CCDC159: variants seen among roughly 807,000 people sequenced by gnomAD.
CCDC159 encodes the protein coiled-coil domain-containing protein 159.
In CCDC159, 40 loss-of-function variants were observed where a neutral mutation model predicts 50.9. The ratio of observed to expected loss-of-function variants is 0.79; its 90% CI spans 0.61 to 1.02. The LOEUF (loss-of-function observed/expected upper bound fraction) is 1.02, where lower values mean the gene tolerates loss of function less well. CCDC159 is among the 50% of genes least tolerant of loss of function. The pLI is 0.00. For synonymous variants in CCDC159, 146 were observed against 138.9 expected (o/e 1.05, Z -0.36); for missense variants, 356 against 371.5 (o/e 0.96, Z 0.34).
intron 1 of CCDC159, chr19:11,349,105 A>G (rs1449858202): frequency 7.4e-7 from 1 of 1,349,524 alleles, no homozygotes; most frequent in East Asian, 4.6e-5. Flanking sequence ...GGCCTTCGCC[A>G]CATGAGGCTG....
intron 1 of CCDC159, among the ~76,000 whole-genome samples, chr19:11,347,619 C>T (rs1186975886): frequency 2.0e-5 from 3 of 152,202 alleles, no homozygotes; most frequent in Non-Finnish European, 2.9e-5. Flanking sequence ...TGTTAGCCAC[C>T]GTGCCCAGCC....
intron 1 of CCDC159, chr19:11,349,305 T>C: frequency 1.5e-6 from 1 of 677,702 alleles, no homozygotes; most frequent in Non-Finnish European, 2.2e-6. Context: ...ATGCACCCAC[T>C]GTGTTTCTTC....
At chr19:11,348,753 C>G (rs1241979275) in intron 1 of CCDC159, 2 of 511,010 alleles carry the variant, frequency 3.9e-6, no homozygotes, top group East Asian at 1.1e-4. Context: ...CTCACAGCGA[C>G]CCTCTTTTGG....
chr19:11,352,946 A>G (rs1032378648), intron 7 of CCDC159, among the ~76,000 whole-genome samples: 3 of 151,702 alleles, frequency 2.0e-5, no homozygotes, highest in African/African-American at 7.3e-5. Context: ...AGAAACAAAC[A>G]CCAAAAACAA....
chr19:11,349,514 C>A, intron 1 of CCDC159, 140 bp from the exon 2 acceptor site: 1 of 1,048,584 alleles, frequency 9.5e-7, no homozygotes, highest in South Asian at 1.4e-5. Context: ...GCCTGGAGTG[C>A]AGCTTTGCCT....
In CCDC159 at chr19:11,349,948, T is replaced by C; in HGVS notation, c.66T>C (p.Ile22=). Reference sequence around the variant, plus strand: ...CTTCTCTGCCCACAGCCAAGACCATTGTGATGATTCCCGACTCCCAGAAGC... The same window carrying C: ...CTTCTCTGCCCACAGCCAAGACCATCGTGATGATTCCCGACTCCCAGAAGC... The part of the protein sequence containing the change: ...TSSSKVKAKT[I]VMIPDSQKLL... Residue 22 remains isoleucine (I), a synonymous_variant, in exon 3 of 11, where the codon ATT becomes ATC. Coordinates refer to ENST00000458408, the MANE Select transcript of CCDC159 (RefSeq NM_001080503.3). 6.2e-7 allele frequency: 1 copy of C among 1,613,644 alleles called. No homozygotes were observed. The highest frequency in any genetic ancestry group is 8.5e-7 in the Non-Finnish European group (1 of 1,179,772).
In CCDC159 at chr19:11,351,954, C is replaced by G; in HGVS notation, c.471C>G (p.Thr157=). 1 of 1,607,026 alleles carries G rather than the reference C, an allele frequency of 6.2e-7. No individual in the cohort carries two copies. Among genetic ancestry groups the G allele is most frequent in the Non-Finnish European group, 8.5e-7 (1 of 1,177,020 alleles). The change falls in exon 6 of 11, where the codon ACC becomes ACG. Residue 157 remains threonine (T), a synonymous_variant. Coordinates refer to ENST00000458408, the MANE Select transcript of CCDC159 (RefSeq NM_001080503.3). ...EELELVREEV[T]FIYQKLQAQE... is the part of the protein sequence containing the mutation. ...TGGAACTGGTGCGGGAGGAGGTGACCTTCATCTATCAGAAGCTCCGTGAGT... is the reference window on the plus strand; with the variant it reads ...TGGAACTGGTGCGGGAGGAGGTGACGTTCATCTATCAGAAGCTCCGTGAGT...
intron 5 of CCDC159, 196 bp from the exon 6 acceptor site, chr19:11,351,710 C>G: frequency 1.9e-6 from 1 of 524,494 alleles, no homozygotes; most frequent in Non-Finnish European, 3.4e-6. Context: ...GTGGGAGAGA[C>G]TGAGAGAATG....
chr19:11,349,257 C>T (rs1490763563), intron 1 of CCDC159: 3 of 1,070,804 alleles, frequency 2.8e-6, no homozygotes, highest in Non-Finnish European at 3.7e-6. Flanking sequence ...TGCTGTGGGG[C>T]TTAGGGAAGG....
At chr19:11,352,613 AAAAAAAG>A (rs1349898297) in intron 7 of CCDC159, 4 of 155,020 alleles carry the variant, frequency 2.6e-5, no homozygotes, top group Non-Finnish European at 4.3e-5. Context: ...ATCTTAAAAA[AAAAAAAG>A]AAAAAAGAAA....
chr19:11,351,770 T>G, intron 5 of CCDC159, 136 bp from the exon 6 acceptor site: 2 of 608,388 alleles, frequency 3.3e-6, no homozygotes, highest in Non-Finnish European at 5.5e-6. Context: ...AGGGGGATTG[T>G]AGAAGGGGAG....
chr19:11,353,691 A>G (rs1967712417), intron 8 of CCDC159, 101 bp from the exon 9 acceptor site: 1 of 1,550,150 alleles, frequency 6.5e-7, no homozygotes, highest in African/African-American at 1.4e-5. Flanking sequence ...CTCACCCCCT[A>G]GGACTCACCC....
In CCDC159 at chr19:11,347,296, G is replaced by A. The variant is rs76452408; in HGVS notation, c.21+669G>A. On this transcript the variant is annotated intron_variant, in intron 1 of 10. Coordinates refer to ENST00000458408, the MANE Select transcript of CCDC159 (RefSeq NM_001080503.3). The stretch of plus-strand genomic sequence containing the variant: ...AATAGGAGCCTAAAAAAGGATTAAG[G>A]AAGATTTTACTGAAGATATGCTGAA... Among the ~76,000 whole-genome samples, 407 of 152,264 alleles carry A rather than the reference G, an allele frequency of 2.7e-3. 2 individuals carry two copies. The highest frequency in any genetic ancestry group is 4.1e-3 in the Non-Finnish European group (282 of 68,010).
At position 11,353,760 on chromosome 19, in the gene CCDC159, C is replaced by A. The variant is rs1286353467; in HGVS notation, c.690-32C>A. Reference sequence around the variant, plus strand: ...CTACACCCTGAGCAGTGTGGAGTCTCCCAGCGCCCCCAGCTCCTTGTCTTC... The same window carrying A: ...CTACACCCTGAGCAGTGTGGAGTCTACCAGCGCCCCCAGCTCCTTGTCTTC... On this transcript the variant is annotated intron_variant, in intron 8 of 10. Coordinates refer to ENST00000458408, the MANE Select transcript of CCDC159 (RefSeq NM_001080503.3). The A allele has an allele frequency of 2.5e-6, 4 of 1,569,412 alleles. No individual in the cohort carries two copies. In the African/African-American group the frequency reaches 5.4e-5, roughly 21 times the overall value.
chr19:11,352,172 G>T (rs369838458), intron 7 of CCDC159, 39 bp downstream of exon 7: 8 of 1,600,768 alleles, frequency 5.0e-6, no homozygotes, highest in Non-Finnish European at 6.8e-6. Context: ...AGGAGTGGGA[G>T]AGGGAGGGAT....
At chr19:11,346,945 A>G (rs983345044) in intron 1 of CCDC159, among the ~76,000 whole-genome samples, 1 of 152,202 alleles carries the variant, frequency 6.6e-6, no homozygotes, top group Non-Finnish European at 1.5e-5. Flanking sequence ...TTATCTAATC[A>G]CAACATCCCA....
At chr19:11,354,745 G>C in intron 10 of CCDC159, 49 bp downstream of exon 10, 1 of 1,607,694 alleles carries the variant, frequency 6.2e-7, no homozygotes, top group Non-Finnish European at 8.5e-7. Flanking sequence ...CTCCTGACCT[G>C]CCCTTGACTC....
At chr19:11,349,242 T>C (rs2144624895) in intron 1 of CCDC159, 1 of 1,163,750 alleles carries the variant, frequency 8.6e-7, no homozygotes, top group East Asian at 5.3e-5. Flanking sequence ...ACCACTGCAA[T>C]CTACTGCTGT....
intron 4 of CCDC159, 64 bp from the exon 5 acceptor site, chr19:11,350,744 A>G (rs1286891828): frequency 1.4e-5 from 20 of 1,450,220 alleles, no homozygotes; most frequent in Admixed American, 5.0e-5. Flanking sequence ...TTCTGGGTCA[A>G]GATTAGGACA....
Sources: gnomAD v4.1 joint callset for allele counts (sites outside exome capture counted in the v4.1 genomes callset) on GRCh38, gnomAD v4.1.1 for gene constraint, MANE v1.5 for transcripts, NCBI Gene and HGNC (gene_info 2026-07-23, HGNC 2026-07-21) for gene names.